The following DGKB variants were observed in gnomAD, a reference collection of about 807,000 sequenced individuals.
DGKB encodes the protein diacylglycerol kinase beta, also known as 90 kDa diacylglycerol kinase.
Under a neutral mutation model 114.3 loss-of-function variants are expected in DGKB, and 67 were observed. The observed-to-expected ratio is 0.59, with a 90% CI of 0.48 to 0.72. The LOEUF (loss-of-function observed/expected upper bound fraction) is 0.72. DGKB is among the 30% of genes least tolerant of loss of function. The pLI is 0.00. For synonymous variants in DGKB, 398 were observed against 323.1 expected (o/e 1.23, Z -2.49); for missense variants, 907 against 975.2 (o/e 0.93, Z 0.93).
chr7:14,232,571 A>G (rs1792077859), intron 23 of DGKB, among the ~76,000 whole-genome samples: 1 of 151,852 alleles, frequency 6.6e-6, no homozygotes. Context: ...AGTGAACCAA[A>G]TGCATCTCAA....
At chr7:14,337,168 A>G (rs901438531) in intron 23 of DGKB, among the ~76,000 whole-genome samples, 6 of 152,074 alleles carry the variant, frequency 3.9e-5, no homozygotes, top group African/African-American at 1.4e-4. Flanking sequence ...TTTACATTTA[A>G]ATGAATATTT....
chr7:14,273,212 G>T (rs907712516), intron 23 of DGKB, among the ~76,000 whole-genome samples: 1 of 152,102 alleles, frequency 6.6e-6, no homozygotes, highest in Non-Finnish European at 1.5e-5. Context: ...TGGGCATGGT[G>T]GGGCAATCCC....
chr7:14,955,209 G>T (rs1453764933), intron 1 of DGKB, among the ~76,000 whole-genome samples: 1 of 151,972 alleles, frequency 6.6e-6, no homozygotes, highest in Non-Finnish European at 1.5e-5. Context: ...CAAATCTAAT[G>T]AAAAATTTAG....
chr7:14,895,681 C>T (rs978649555), intron 1 of DGKB, among the ~76,000 whole-genome samples: 20 of 151,386 alleles, frequency 1.3e-4, no homozygotes, highest in Admixed American at 7.3e-4. Flanking sequence ...CAGAGTAGCC[C>T]GTCAATGACT....
chr7:14,958,035 T>C (rs1422300028), intron 1 of DGKB, among the ~76,000 whole-genome samples: 1 of 152,102 alleles, frequency 6.6e-6, no homozygotes, highest in Non-Finnish European at 1.5e-5. Context: ...TAGAATCTGT[T>C]ATATCTTATA....
intron 13 of DGKB, among the ~76,000 whole-genome samples, chr7:14,670,294 T>C (rs1335283836): frequency 6.6e-6 from 1 of 151,068 alleles, no homozygotes; most frequent in African/African-American, 2.4e-5. Flanking sequence ...TATATATATA[T>C]ATATATACAC....
At chr7:14,260,554 A>G (rs1796619646) in intron 23 of DGKB, among the ~76,000 whole-genome samples, 1 of 152,162 alleles carries the variant, frequency 6.6e-6, no homozygotes, top group Admixed American at 6.6e-5. Flanking sequence ...TAATCCTTTA[A>G]ATAATAGGCA....
intron 20 of DGKB, among the ~76,000 whole-genome samples, chr7:14,522,622 G>A (rs960462305): frequency 6.6e-6 from 1 of 152,148 alleles, no homozygotes; most frequent in Non-Finnish European, 1.5e-5. Flanking sequence ...GGGGGTGGAT[G>A]GGAGCATGCC....
chr7:14,928,651 A>C (rs1562882501), intron 1 of DGKB, among the ~76,000 whole-genome samples: 1 of 151,808 alleles, frequency 6.6e-6, no homozygotes, highest in Admixed American at 6.6e-5. Flanking sequence ...GTGTATGTTC[A>C]TTTTTTATTT....
At chr7:14,857,262 G>GTGTGTGTGTGTGTC (rs1562736004) in intron 1 of DGKB, among the ~76,000 whole-genome samples, 1 of 150,676 alleles carries the variant, frequency 6.6e-6, no homozygotes, top group South Asian at 2.1e-4. Context: ...GTGTGTTTGT[G>GTGTGTGTGTGTGTC]TGTGTGTGTG....
At chr7:14,933,192 T>C (rs549530440) in intron 1 of DGKB, among the ~76,000 whole-genome samples, 528 of 152,330 alleles carry the variant, frequency 3.5e-3, no homozygotes, top group African/African-American at 0.012. Flanking sequence ...TGTTTCCCTG[T>C]TAATCTACTA....
chr7:14,791,970 G>A (rs1445026817), intron 2 of DGKB, among the ~76,000 whole-genome samples: 1 of 152,034 alleles, frequency 6.6e-6, no homozygotes, highest in Non-Finnish European at 1.5e-5. Context: ...GGTAATACAA[G>A]CTTTATAATA....
At chr7:14,961,533 C>A (rs181376387) in intron 1 of DGKB, among the ~76,000 whole-genome samples, 2 of 152,248 alleles carry the variant, frequency 1.3e-5, no homozygotes, top group South Asian at 4.1e-4. Flanking sequence ...CTGCCCAGAT[C>A]TGAAAAGTGT....
rs1586480891 is a variant in DGKB at position 14,784,103 on chromosome 7, T to G, written c.71-26372A>C. ...ATGAATCTTTTAATGTAAATTGTGA[T>G]TCTTGCATTCTTGAAGTAAATATAA... On this transcript the variant is annotated intron_variant, in intron 2 of 25. Coordinates refer to ENST00000402815, the MANE Select transcript of DGKB (RefSeq NM_001350709.2). Among the ~76,000 whole-genome samples, 4 of 152,174 alleles carry G rather than the reference T, an allele frequency of 2.6e-5. No individual in the cohort carries two copies. In the East Asian group the frequency reaches 7.7e-4, roughly 29 times the overall value.
intron 1 of DGKB, among the ~76,000 whole-genome samples, chr7:14,869,361 G>A (rs146874751): frequency 7.2e-5 from 11 of 152,146 alleles, no homozygotes; most frequent in African/African-American, 9.6e-5. Flanking sequence ...AACTGGGTCC[G>A]TAATTTCTTG....
chr7:14,364,567 T>A (rs1300014322), intron 21 of DGKB, among the ~76,000 whole-genome samples: 2 of 152,038 alleles, frequency 1.3e-5, no homozygotes, highest in Non-Finnish European at 2.9e-5. Flanking sequence ...GTAAAATCAT[T>A]TTCATTGTAG....
chr7:14,304,087 A>ACACACACACACACACACACTCTCTCT (rs140836395), intron 23 of DGKB, among the ~76,000 whole-genome samples: 6 of 110,068 alleles, frequency 5.5e-5, no homozygotes, highest in Non-Finnish European at 8.9e-5. Flanking sequence ...ACACACACAC[A>ACACACACACACACACACACTCTCTCT]CTCTCTCTCT....
intron 21 of DGKB, among the ~76,000 whole-genome samples, chr7:14,428,228 C>T (rs912675005): frequency 6.6e-6 from 1 of 151,952 alleles, no homozygotes; most frequent in Non-Finnish European, 1.5e-5. Context: ...CATTTTGACT[C>T]ATTTTGCTTA....
chr7:14,469,886 A>G (rs1781021885), intron 21 of DGKB, among the ~76,000 whole-genome samples: 1 of 151,962 alleles, frequency 6.6e-6, no homozygotes, highest in African/African-American at 2.4e-5. Flanking sequence ...ATGTATACAA[A>G]TATATAAATC....
Sources: allele counts gnomAD v4.1 joint callset (sites outside exome capture counted in the v4.1 genomes callset), GRCh38; gene constraint gnomAD v4.1.1; transcripts MANE v1.5; gene names NCBI Gene and HGNC (gene_info 2026-07-23, HGNC 2026-07-21).